The following NFAT5 variants were observed in gnomAD, a reference collection of about 807,000 sequenced individuals.
The protein encoded by NFAT5 is nuclear factor of activated T-cells 5.
Under a neutral mutation model 166.5 loss-of-function variants are expected in NFAT5, and 31 were observed. The ratio of observed to expected loss-of-function variants is 0.19; its 90% CI spans 0.14 to 0.25. NFAT5 has a LOEUF of 0.25. NFAT5 is among the 10% of genes least tolerant of loss of function. The pLI, the probability that NFAT5 is intolerant of heterozygous loss-of-function variation, is 1.00. For missense variants in NFAT5, 1,449 were observed against 1,821.8 expected (o/e 0.80, Z 3.72); for synonymous variants, 612 against 639.7 (o/e 0.96, Z 0.65).
At chr16:69,684,849 G>C in intron 10 of NFAT5, 38 bp from the exon 11 acceptor site, 1 of 1,386,564 alleles carries the variant, frequency 7.2e-7, no homozygotes, top group Non-Finnish European at 1.0e-6. Context: ...TTTAGGATGA[G>C]TAAATGTAGA....
At chr16:69,606,573 G>T (rs995683180) in intron 2 of NFAT5, among the ~76,000 whole-genome samples, 1 of 152,166 alleles carries the variant, frequency 6.6e-6, no homozygotes, top group East Asian at 1.9e-4. Flanking sequence ...GGAAAACTGT[G>T]GCTGGGTATG....
At chr16:69,689,100 T>A (rs1290983921) in intron 11 of NFAT5, among the ~76,000 whole-genome samples, 1 of 152,038 alleles carries the variant, frequency 6.6e-6, no homozygotes, top group Non-Finnish European at 1.5e-5. Context: ...GTAACGAGAC[T>A]CTTGTCTCTA....
At chr16:69,584,571 C>T (rs888673529) in intron 2 of NFAT5, among the ~76,000 whole-genome samples, 1 of 151,894 alleles carries the variant, frequency 6.6e-6, no homozygotes, top group Admixed American at 6.6e-5. Context: ...CTTAAGTAAT[C>T]CACCTGCCTC....
chr16:69,628,811 G>A (rs1278342745), intron 3 of NFAT5, among the ~76,000 whole-genome samples: 1 of 152,162 alleles, frequency 6.6e-6, no homozygotes, highest in Non-Finnish European at 1.5e-5. Context: ...GCCAGGCATG[G>A]TGGCTCACAC....
chr16:69,661,996 G>A (rs562977459), intron 7 of NFAT5, among the ~76,000 whole-genome samples: 28 of 151,734 alleles, frequency 1.8e-4, no homozygotes, highest in African/African-American at 6.8e-4. Flanking sequence ...GCCAAGGCAG[G>A]GGGATTGCTT....
intron 10 of NFAT5, among the ~76,000 whole-genome samples, chr16:69,682,436 C>G (rs866286763): frequency 6.6e-5 from 10 of 150,578 alleles, no homozygotes; most frequent in African/African-American, 1.2e-4. Context: ...AGTGAGACCC[C>G]CCCCCCCGCC....
At chr16:69,612,424 CTT>C (rs36098322) in intron 2 of NFAT5, among the ~76,000 whole-genome samples, 37,361 of 151,992 alleles carry the variant, frequency 0.25, 4,924 homozygotes, top group East Asian at 0.45. Flanking sequence ...CTTTTAAAAA[CTT>C]TGCATTAAAG....
intron 2 of NFAT5, among the ~76,000 whole-genome samples, chr16:69,616,706 A>C (rs982987764): frequency 6.6e-6 from 1 of 151,730 alleles, no homozygotes; most frequent in African/African-American, 2.4e-5. Context: ...CTGACACCAC[A>C]CACTAGGCTG....
intron 2 of NFAT5, among the ~76,000 whole-genome samples, chr16:69,611,224 T>C (rs1029056805): frequency 5.9e-5 from 9 of 152,206 alleles, no homozygotes; most frequent in Admixed American, 2.6e-4. Context: ...TTATTAAATA[T>C]ATGGTTATAT....
intron 2 of NFAT5, among the ~76,000 whole-genome samples, chr16:69,625,684 G>A (rs1021690726): frequency 6.6e-6 from 1 of 151,996 alleles, no homozygotes; most frequent in Admixed American, 6.5e-5. Flanking sequence ...ATTGACTGGA[G>A]AAGCCAATTT....
chr16:69,633,124 A>G (rs1298439957), intron 3 of NFAT5, among the ~76,000 whole-genome samples: 1 of 152,226 alleles, frequency 6.6e-6, no homozygotes, highest in Non-Finnish European at 1.5e-5. Flanking sequence ...ATTGCCAAAA[A>G]GCAAACTTGG....
chr16:69,587,952 T>C (rs1349350374), intron 2 of NFAT5, among the ~76,000 whole-genome samples: 2 of 139,074 alleles, frequency 1.4e-5, no homozygotes, highest in African/African-American at 5.4e-5. Context: ...TTCTTTTTTT[T>C]TTTTTTTTTT....
chr16:69,602,415 T>C (rs774398901), intron 2 of NFAT5, among the ~76,000 whole-genome samples: 1 of 151,744 alleles, frequency 6.6e-6, no homozygotes, highest in Non-Finnish European at 1.5e-5. Flanking sequence ...TACAGGCATG[T>C]GCCACCACGC....
chr16:69,602,347 G>T (rs2033174196), intron 2 of NFAT5, among the ~76,000 whole-genome samples: 1 of 148,798 alleles, frequency 6.7e-6, no homozygotes, highest in Non-Finnish European at 1.5e-5. Flanking sequence ...TCGGCTCACT[G>T]CAACTGCCTC....
intron 7 of NFAT5, among the ~76,000 whole-genome samples, chr16:69,662,815 A>G (rs192409353): frequency 3.0e-4 from 46 of 152,272 alleles, no homozygotes; most frequent in African/African-American, 1.0e-3. Flanking sequence ...TTTGAATTTT[A>G]TCCTGACCAC....
chr16:69,625,877 G>T (rs779519996), intron 2 of NFAT5, among the ~76,000 whole-genome samples: 2 of 151,382 alleles, frequency 1.3e-5, no homozygotes, highest in African/African-American at 4.8e-5. Context: ...AAGGAATAAA[G>T]CCAAGAAGAA....
intron 2 of NFAT5, among the ~76,000 whole-genome samples, chr16:69,588,885 G>C (rs927363651): frequency 6.8e-6 from 1 of 147,128 alleles, no homozygotes; most frequent in African/African-American, 2.5e-5. Context: ...AGAATGATTT[G>C]AATGTTTACC....
intron 7 of NFAT5, among the ~76,000 whole-genome samples, chr16:69,662,907 A>G (rs1468611394): frequency 1.3e-5 from 2 of 152,180 alleles, no homozygotes; most frequent in East Asian, 1.9e-4. Context: ...AATGATCTAC[A>G]GTAAAACACA....
In NFAT5 at chr16:69,647,248, A is replaced by G. The variant is rs867633982; in HGVS notation, c.474A>G (p.Thr158=). The part of the protein sequence containing the change: ...QQHPSTPKRH[T]VLYISPPPED... ...ATCCATCAACACCGAAGAGGCACAC[A>G]GTCTTGTACATCTCACCACCACCTG... is the stretch of plus-strand genomic sequence containing the variant. Residue 158 remains threonine, a synonymous_variant, in exon 4 of 15, where the codon ACA becomes ACG. Coordinates refer to ENST00000349945, the MANE Select transcript of NFAT5 (RefSeq NM_138713.4). The surrounding 1 kb of genome is among the most constrained non-coding windows in gnomAD (Gnocchi z 4.8). 8.1e-6 allele frequency: 13 copies of G among 1,614,090 alleles called. No homozygotes were observed. In the Admixed American group the frequency reaches 1.0e-4, roughly 12 times the overall value.
Sources: allele counts gnomAD v4.1 joint callset (sites outside exome capture counted in the v4.1 genomes callset), GRCh38; gene constraint gnomAD v4.1.1; non-coding constraint Gnocchi (gnomAD v3.1); transcripts MANE v1.5; gene names NCBI Gene and HGNC (gene_info 2026-07-23, HGNC 2026-07-21).